Variants in ZSWIM6 observed in about 807,000 individuals in gnomAD.
The protein encoded by ZSWIM6 is zinc finger SWIM domain-containing protein 6.
In ZSWIM6, 9 loss-of-function variants were observed where a neutral mutation model predicts 113.2. The ratio of observed to expected loss-of-function variants is 0.08; its 90% confidence interval spans 0.05 to 0.14. The LOEUF (loss-of-function observed/expected upper bound fraction) is 0.14, where lower values mean the gene tolerates loss of function less well. ZSWIM6 is among the 10% of genes least tolerant of loss of function. The pLI, the probability that ZSWIM6 is intolerant of heterozygous loss-of-function variation, is 1.00. For synonymous variants in ZSWIM6, 611 were observed against 606.5 expected (o/e 1.01, Z -0.11); for missense variants, 1,162 against 1,552.2 (o/e 0.75, Z 4.22).
At chr5:61,373,788 C>G (rs1745315350) in intron 1 of ZSWIM6, among the ~76,000 whole-genome samples, 1 of 151,972 alleles carries the variant, frequency 6.6e-6, no homozygotes, top group African/African-American at 2.4e-5. Context: ...ATATCTTACT[C>G]CCCCCCACTC....
intron 1 of ZSWIM6, among the ~76,000 whole-genome samples, chr5:61,412,553 T>A (rs973158809): frequency 6.6e-6 from 1 of 152,204 alleles, no homozygotes; most frequent in African/African-American, 2.4e-5. Flanking sequence ...ATATTCTTTT[T>A]ATGGGCTACT....
intron 1 of ZSWIM6, among the ~76,000 whole-genome samples, chr5:61,336,535 A>T (rs1451004954): frequency 1.3e-5 from 2 of 152,150 alleles, no homozygotes; most frequent in East Asian, 3.9e-4. Context: ...AGGTGGGTGG[A>T]TCATTTGAGG....
Position 61,520,105 on chromosome 5 carries a change from G to A in ZSWIM6, c.1334-1158G>A, listed in dbSNP as rs185808739. On this transcript the variant is annotated intron_variant, in intron 4 of 13. Transcript: ENST00000252744. ...AGACTGGTACCAGTCTGCAGCCTGGGGGTTGGGGACCCCCGCCCTAATGGA... is the reference window on the plus strand; with the variant it reads ...AGACTGGTACCAGTCTGCAGCCTGGAGGTTGGGGACCCCCGCCCTAATGGA... 8.7e-4 allele frequency among the ~76,000 whole-genome samples: 133 copies of A among 152,248 alleles called. 1 individual carries two copies. The highest frequency in any genetic ancestry group is 6.8e-3 in the Middle Eastern group (2 of 292).
chr5:61,345,099 T>C (rs762428558), intron 1 of ZSWIM6, among the ~76,000 whole-genome samples: 14 of 152,228 alleles, frequency 9.2e-5, no homozygotes, highest in African/African-American at 1.7e-4. Context: ...ATTTATTTAC[T>C]ATGCCTCGGG....
At chr5:61,399,893 A>C (rs1279814368) in intron 1 of ZSWIM6, among the ~76,000 whole-genome samples, 3 of 152,206 alleles carry the variant, frequency 2.0e-5, no homozygotes, top group African/African-American at 7.2e-5. Flanking sequence ...TTGCTGTTTA[A>C]TGATTGTTAT....
intron 1 of ZSWIM6, among the ~76,000 whole-genome samples, chr5:61,396,943 TG>T (rs1268130904): frequency 6.6e-6 from 1 of 152,170 alleles, no homozygotes; most frequent in Non-Finnish European, 1.5e-5. Context: ...ACAATAAATT[TG>T]TTTGCCCTTA....
At chr5:61,356,739 T>TA (rs397700664) in intron 1 of ZSWIM6, among the ~76,000 whole-genome samples, 6 of 130,598 alleles carry the variant, frequency 4.6e-5, no homozygotes, top group South Asian at 2.2e-4. Flanking sequence ...ATAATATATA[T>TA]TATATATATA....
At chr5:61,390,540 G>C in intron 1 of ZSWIM6, 1 of 478,314 alleles carries the variant, frequency 2.1e-6, no homozygotes, top group Non-Finnish European at 3.9e-6. Context: ...CCTTGCTCTG[G>C]AGAGCCTACA....
intron 1 of ZSWIM6, among the ~76,000 whole-genome samples, chr5:61,335,440 C>T (rs1744371774): frequency 6.6e-6 from 1 of 152,168 alleles, no homozygotes; most frequent in Non-Finnish European, 1.5e-5. Context: ...GATCAGGGTT[C>T]CCCCCACCTC....
intron 1 of ZSWIM6, among the ~76,000 whole-genome samples, chr5:61,456,314 A>T (rs1273476606): frequency 6.6e-6 from 1 of 152,190 alleles, no homozygotes; most frequent in Non-Finnish European, 1.5e-5. Flanking sequence ...TTTTTAAGAT[A>T]ATATTTTAAG....
intron 1 of ZSWIM6, among the ~76,000 whole-genome samples, chr5:61,407,384 G>A (rs999694391): frequency 1.3e-5 from 2 of 152,138 alleles, no homozygotes; most frequent in African/African-American, 4.8e-5. Context: ...TCTACAAACT[G>A]CATGGGGAAT....
intron 1 of ZSWIM6, among the ~76,000 whole-genome samples, chr5:61,359,327 G>A (rs1007455146): frequency 3.9e-5 from 6 of 152,122 alleles, no homozygotes; most frequent in Non-Finnish European, 7.4e-5. Flanking sequence ...CAGGAAGGCC[G>A]TATGTGGCTG....
chr5:61,408,026 A>G (rs1366839855), intron 1 of ZSWIM6, among the ~76,000 whole-genome samples: 1 of 152,206 alleles, frequency 6.6e-6, no homozygotes, highest in East Asian at 1.9e-4. Context: ...AGACAGTCAT[A>G]CAAGATTTTC....
rs1293716932 is a variant in ZSWIM6 at position 61,526,006 on chromosome 5, A to G, written c.1690+30A>G. ...GTGACCAAACCGGAAAGACATTTCC[A>G]TGACTTACTTCTTTGTTTAGTTTCT... On this transcript the variant is annotated intron_variant, in intron 6 of 13. Coordinates refer to ENST00000252744, the MANE Select transcript of ZSWIM6 (RefSeq NM_020928.2). 7.7e-6 allele frequency: 12 copies of G among 1,550,454 alleles called. No individual in the cohort carries two copies. In the East Asian group the frequency reaches 1.7e-4, roughly 22 times the overall value.
chr5:61,387,043 A>G (rs371873869), intron 1 of ZSWIM6, among the ~76,000 whole-genome samples: 1 of 152,176 alleles, frequency 6.6e-6, no homozygotes, highest in Admixed American at 6.5e-5. Flanking sequence ...AGCATTCTAT[A>G]GAGTTCAAAA....
intron 8 of ZSWIM6, among the ~76,000 whole-genome samples, chr5:61,530,450 A>G (rs549967617): frequency 6.6e-6 from 1 of 152,336 alleles, no homozygotes; most frequent in Admixed American, 6.5e-5. Flanking sequence ...CTAACCAGTG[A>G]TTCTGTATCT....
rs887250579 is a variant in ZSWIM6 at position 61,332,348 on chromosome 5, GGCA to G, written c.82_84del (p.Ser28del). ...GCCGGGCGGCGGCGGCGGCGGCGGGGGCAGCAGCGGCGGCGGCGGCGGCGCGGG... is the reference window on the plus strand; with the variant it reads ...GCCGGGCGGCGGCGGCGGCGGCGGGGGCAGCGGCGGCGGCGGCGGCGCGGG... On this transcript the variant is annotated inframe_deletion, in exon 1 of 14. Transcript: ENST00000252744. 29 of 1,027,402 alleles carry G rather than the reference GGCA, an allele frequency of 2.8e-5. No individual in the cohort carries two copies. Among genetic ancestry groups the G allele is most frequent in the African/African-American group, 3.4e-5 (2 of 58,120 alleles). The allele number at this position is 1,027,402 out of a possible 1,614,324, so 63.6% of individuals were successfully genotyped here. A position where few individuals can be genotyped will look rare whatever the true frequency, so the allele number is the denominator to read the frequency against.
chr5:61,530,154 G>A lies in ZSWIM6; in HGVS notation c.1940G>A (p.Cys647Tyr). The part of the protein sequence containing the change: ...GTLFSSLMEA[C>Y]RIDDENLSGF... ...CTCTTCAGTAGCCTTATGGAAGCCTGCCGCATTGATGATGAGAACCTCTCT... is the reference window on the plus strand; with the variant it reads ...CTCTTCAGTAGCCTTATGGAAGCCTACCGCATTGATGATGAGAACCTCTCT... The change falls in exon 8 of 14, where the codon TGC becomes TAC. Residue 647 changes from cysteine (C) to tyrosine (Y), a missense_variant. Cys to Tyr is a radical substitution (Grantham distance 194). Coordinates refer to ENST00000252744, the MANE Select transcript of ZSWIM6 (RefSeq NM_020928.2). The A allele has an allele frequency of 6.4e-7, 1 of 1,551,880 alleles. No homozygotes were observed. The highest frequency in any genetic ancestry group is 1.2e-5 in the South Asian group (1 of 84,036).
chr5:61,341,831 A>G (rs1744554470), intron 1 of ZSWIM6, among the ~76,000 whole-genome samples: 1 of 150,178 alleles, frequency 6.7e-6, no homozygotes, highest in Non-Finnish European at 1.5e-5. Flanking sequence ...TACTTCTTTC[A>G]CATAAATGAT....
Sources: gnomAD v4.1 joint callset for allele counts (sites outside exome capture counted in the v4.1 genomes callset) on GRCh38, gnomAD v4.1.1 for gene constraint, MANE v1.5 for transcripts, NCBI Gene and HGNC (gene_info 2026-07-23, HGNC 2026-07-21) for gene names.